Variants in DYNC2H1 observed in about 807,000 individuals in gnomAD.
DYNC2H1 encodes cytoplasmic dynein 2 heavy chain 1.
In DYNC2H1, 410 loss-of-function variants were observed where a neutral mutation model predicts 570.0. The observed-to-expected ratio is 0.72, with a 90% CI of 0.66 to 0.78. DYNC2H1 has a LOEUF of 0.78. DYNC2H1 is among the 30% of genes least tolerant of loss of function. The probability of loss-of-function intolerance (pLI) is 0.00; values close to 1 mark genes in which losing one functional copy is unlikely to be tolerated. For synonymous variants in DYNC2H1, 1,688 were observed against 1,677.6 expected (o/e 1.01, Z -0.15); for missense variants, 4,865 against 5,046.4 (o/e 0.96, Z 1.09).
At chr11:103,348,900 T>G (rs1245182278) in intron 82 of DYNC2H1, among the ~76,000 whole-genome samples, 1 of 152,126 alleles carries the variant, frequency 6.6e-6, no homozygotes, top group Admixed American at 6.6e-5. Flanking sequence ...GATGGTTTTA[T>G]AAGGGGCTTT....
rs1287491497 is a variant in DYNC2H1, at chr11:103,241,565, A to T, written c.9820-2128A>T. The stretch of plus-strand genomic sequence containing the variant: ...AATCATGGGTAAGAACTTTTTAAAA[A>T]TTTAAAATAATTACTTTTGTAGTTA... On this transcript the variant is annotated intron_variant, in intron 63 of 88. Transcript: ENST00000375735. The surrounding 1 kb of genome is among the most constrained non-coding windows in gnomAD (Gnocchi z 5.1). 6.4e-7 allele frequency: 1 copy of T among 1,556,158 alleles called. No homozygotes were observed. The highest frequency in any genetic ancestry group is 1.1e-5 in the South Asian group (1 of 87,150).
chr11:103,392,867 C>G (rs1008771757), intron 83 of DYNC2H1, among the ~76,000 whole-genome samples: 1 of 147,436 alleles, frequency 6.8e-6, no homozygotes, highest in Admixed American at 7.0e-5. Context: ...TTCTCTCACA[C>G]TCTTATATTC....
At chr11:103,126,286 T>A (rs918705618) in intron 12 of DYNC2H1, among the ~76,000 whole-genome samples, 23 of 152,212 alleles carry the variant, frequency 1.5e-4, no homozygotes, top group Admixed American at 7.9e-4. Flanking sequence ...TGTGCTTTGC[T>A]TTGTATGCTT....
chr11:103,426,664 A>G (rs1232105260), intron 84 of DYNC2H1, among the ~76,000 whole-genome samples: 3 of 152,214 alleles, frequency 2.0e-5, no homozygotes, highest in African/African-American at 7.2e-5. Context: ...ATCTATGGCT[A>G]AACTGATGAT....
In DYNC2H1 at chr11:103,228,447, T is replaced by G. The variant is rs1248510880; in HGVS notation, c.9354-2813T>G. 6.6e-6 allele frequency among the ~76,000 whole-genome samples: 1 copy of G among 152,104 alleles called. No homozygotes were observed. Among genetic ancestry groups the G allele is most frequent in the East Asian group, 1.9e-4 (1 of 5,184 alleles). ...GTTCTGAGATCTGAACTGTAGTGAT[T>G]GTTTTTGCGCTTCTGGGTCTAGCTA... On this transcript the variant is annotated intron_variant, in intron 59 of 88. Transcript: ENST00000375735. The surrounding 1 kb of genome is among the most constrained non-coding windows in gnomAD (Gnocchi z 6.1).
At chr11:103,173,376 T>C in intron 35 of DYNC2H1, 71 bp downstream of exon 35, 1 of 1,081,070 alleles carries the variant, frequency 9.3e-7, no homozygotes, top group Non-Finnish European at 1.3e-6. Flanking sequence ...TTAGTGATCA[T>C]TTTCATATTT....
intron 83 of DYNC2H1, among the ~76,000 whole-genome samples, chr11:103,391,143 G>A (rs1316955540): frequency 3.3e-5 from 5 of 152,146 alleles, no homozygotes; most frequent in East Asian, 3.8e-4. Flanking sequence ...CCAATCAGAC[G>A]TAGATTTGGT....
chr11:103,399,412 C>T (rs1485489016), intron 83 of DYNC2H1, among the ~76,000 whole-genome samples: 1 of 151,458 alleles, frequency 6.6e-6, no homozygotes, highest in Non-Finnish European at 1.5e-5. Context: ...TGCGTTGGCC[C>T]CCCAGAGTGC....
intron 47 of DYNC2H1, among the ~76,000 whole-genome samples, chr11:103,193,457 CT>C (rs1442301722): frequency 6.6e-6 from 1 of 152,106 alleles, no homozygotes; most frequent in East Asian, 1.9e-4. Flanking sequence ...TCACAGTCTC[CT>C]GTCTAAGACT....
intron 82 of DYNC2H1, among the ~76,000 whole-genome samples, chr11:103,346,574 T>C (rs1187489677): frequency 3.3e-5 from 5 of 152,298 alleles, no homozygotes; most frequent in African/African-American, 9.6e-5. Context: ...ATGTACATAA[T>C]GATGTTATAT....
chr11:103,193,340 A>AT (rs1267681174), intron 47 of DYNC2H1, among the ~76,000 whole-genome samples: 1 of 152,112 alleles, frequency 6.6e-6, no homozygotes, highest in Non-Finnish European at 1.5e-5. Flanking sequence ...CAGTCTGAAA[A>AT]TTGAGTCAGT....
chr11:103,116,010 C>A (rs979099575), intron 4 of DYNC2H1, among the ~76,000 whole-genome samples: 2 of 151,932 alleles, frequency 1.3e-5, no homozygotes, highest in Non-Finnish European at 2.9e-5. Context: ...AATTGAGTGA[C>A]CATTTTAAGT....
chr11:103,289,190 T>A lies in DYNC2H1; in HGVS notation c.11095+1585T>A, dbSNP rs1866488980. ...CACTCCCCACTTCCTAAGCCCCTAC[T>A]CACCAAATCGTCTTTAAAAACTCTG... On this transcript the variant is annotated intron_variant, in intron 75 of 88. Coordinates refer to ENST00000375735, the MANE Select transcript of DYNC2H1 (RefSeq NM_001377.3). This position sits in a 1 kb window ranked among gnomAD's most constrained non-coding sequence, Gnocchi z 4.2. Among the ~76,000 whole-genome samples, 1 of 152,136 alleles carries A rather than the reference T, an allele frequency of 6.6e-6. No individual in the cohort carries two copies. The highest frequency in any genetic ancestry group is 1.5e-5 in the Non-Finnish European group (1 of 68,030).
intron 82 of DYNC2H1, among the ~76,000 whole-genome samples, chr11:103,348,571 G>T (rs542614908): frequency 2.0e-5 from 3 of 152,122 alleles, no homozygotes; most frequent in African/African-American, 7.2e-5. Context: ...TTTCTTTATG[G>T]CTTCTTTCTC....
intron 83 of DYNC2H1, among the ~76,000 whole-genome samples, chr11:103,391,311 C>T (rs527666678): frequency 1.1e-4 from 17 of 152,282 alleles, no homozygotes; most frequent in African/African-American, 4.1e-4. Context: ...CTTGTGCATT[C>T]ATCACGTAGT....
Position 103,358,408 on chromosome 11 carries a change from G to A in DYNC2H1, c.12156+49G>A, listed in dbSNP as rs375268810. 499 of 1,246,630 alleles carry A rather than the reference G, an allele frequency of 4.0e-4. 3 individuals carry two copies. Among genetic ancestry groups the A allele is most frequent in the African/African-American group, 1.5e-3 (102 of 67,790 alleles). 77.2% of individuals were successfully genotyped at this position (1,246,630 alleles called of 1,614,324 possible). Reference sequence around the variant, plus strand: ...ATTCTTTTGCTTTTTCTCCCGCATCGTAACCATGTGCTCCCCATTTCTGCC... The same window carrying A: ...ATTCTTTTGCTTTTTCTCCCGCATCATAACCATGTGCTCCCCATTTCTGCC... On this transcript the variant is annotated intron_variant, in intron 83 of 88. Coordinates refer to ENST00000375735, the MANE Select transcript of DYNC2H1 (RefSeq NM_001377.3).
rs1359653655 is a variant in DYNC2H1, at chr11:103,281,367, CCTTATTTTT to C, written c.10762-809_10762-801del. ...GTATGTTCCATGAAATATATATATT[CCTTATTTTT>C]CTCTCCTAAAGTATAAACAAATTGT... On this transcript the variant is annotated intron_variant, in intron 71 of 88. Coordinates refer to ENST00000375735, the MANE Select transcript of DYNC2H1 (RefSeq NM_001377.3). Among the ~76,000 whole-genome samples, 24 of 151,970 alleles carry C rather than the reference CCTTATTTTT, an allele frequency of 1.6e-4. 1 individual carries two copies. The highest frequency in any genetic ancestry group is 1.5e-5 in the Non-Finnish European group (1 of 67,886).
At chr11:103,414,562 A>C (rs1943208924) in intron 84 of DYNC2H1, among the ~76,000 whole-genome samples, 1 of 148,468 alleles carries the variant, frequency 6.7e-6, no homozygotes, top group Admixed American at 6.9e-5. Context: ...GAAATAAAGG[A>C]TATTCAGATA....
intron 82 of DYNC2H1, among the ~76,000 whole-genome samples, chr11:103,332,558 A>C (rs1021888015): frequency 6.6e-6 from 1 of 152,166 alleles, no homozygotes; most frequent in Non-Finnish European, 1.5e-5. Context: ...GGAAACACAC[A>C]CCACATACAA....
Sources: gnomAD v4.1 joint callset for allele counts (sites outside exome capture counted in the v4.1 genomes callset) on GRCh38, gnomAD v4.1.1 for gene constraint, Gnocchi (gnomAD v3.1) non-coding constraint, MANE v1.5 for transcripts, NCBI Gene and HGNC (gene_info 2026-07-23, HGNC 2026-07-21) for gene names.